The following LMBRD2 variants were observed in gnomAD, a reference collection of about 807,000 sequenced individuals.
LMBRD2 encodes the protein G protein-coupled receptor-associated protein LMBRD2.
In LMBRD2, 55 loss-of-function variants were observed where a neutral mutation model predicts 94.4. That is an observed-to-expected ratio of 0.58 (90% CI 0.47 to 0.73). LMBRD2 has a LOEUF of 0.73. Among genes scored for constraint, LMBRD2 ranks in the 30% least tolerant of loss-of-function variants. The pLI is 0.00. For synonymous variants in LMBRD2, 246 were observed against 272.4 expected (o/e 0.90, Z 0.95); for missense variants, 640 against 831.9 (o/e 0.77, Z 2.84).
intron 3 of LMBRD2, among the ~76,000 whole-genome samples, chr5:36,142,179 T>A (rs1744424800): frequency 6.6e-6 from 1 of 152,184 alleles, no homozygotes; most frequent in South Asian, 2.1e-4. Flanking sequence ...CCCACGTTTT[T>A]AAATCTGAGA....
chr5:36,124,150 G>A (rs1743950451), intron 7 of LMBRD2, 41 bp downstream of exon 7: 3 of 1,121,510 alleles, frequency 2.7e-6, no homozygotes, highest in Non-Finnish European at 4.0e-6. Flanking sequence ...TATTATATAA[G>A]TGTATATTTC....
At chr5:36,111,076 C>A in intron 14 of LMBRD2, 79 bp downstream of exon 14, 2 of 847,542 alleles carry the variant, frequency 2.4e-6, no homozygotes, top group South Asian at 1.8e-5. Flanking sequence ...TATTCACAAA[C>A]TACACAAATA....
chr5:36,122,339 G>A lies in LMBRD2; in HGVS notation c.1061C>T (p.Thr354Ile). ...ATTTTCTGGCTCTGGCGATTGAAAGGTGTGAACAAACTGATGAGTAGCACT... is the reference window on the plus strand; with the variant it reads ...ATTTTCTGGCTCTGGCGATTGAAAGATGTGAACAAACTGATGAGTAGCACT... The part of the protein sequence containing the change: ...ETSATHQFVH[T>I]FQSPEPENRF... The change falls in exon 9 of 18, where the codon ACC (threonine) becomes ATC (isoleucine). Residue 354 changes from threonine (T) to isoleucine (I), a missense_variant. By Grantham distance (89) the Thr-to-Ile change is moderately conservative. This residue lies in a region of LMBRD2 where 457 missense variants were observed against 642.8 expected (regional missense o/e 0.71). Coordinates refer to ENST00000296603, the MANE Select transcript of LMBRD2 (RefSeq NM_001007527.2). 6.2e-7 allele frequency: 1 copy of A among 1,612,060 alleles called. No individual in the cohort carries two copies.
In LMBRD2 at chr5:36,116,504, G is replaced by T; in HGVS notation, c.1392C>A (p.Ala464=). ...RIRVFNYYYL[A]SHHQTDAYSL... ...TATAAGCATCAGTCTGGTGATGTGAGGCCAAATAATAATAGTTAAATACAC... is the reference window on the plus strand; with the variant it reads ...TATAAGCATCAGTCTGGTGATGTGATGCCAAATAATAATAGTTAAATACAC... Residue 464 remains alanine (A), a synonymous_variant, in exon 11 of 18, where the codon GCC becomes GCA. Coordinates refer to ENST00000296603, the MANE Select transcript of LMBRD2 (RefSeq NM_001007527.2). The T allele has an allele frequency of 6.2e-7, 1 of 1,612,882 alleles. No individual in the cohort carries two copies. The highest frequency in any genetic ancestry group is 8.5e-7 in the Non-Finnish European group (1 of 1,179,138).
At position 36,100,660 on chromosome 5, in the gene LMBRD2, T is replaced by A. The variant is rs1743328942; in HGVS notation, c.*3386A>T. On this transcript the variant is annotated 3_prime_UTR_variant, in exon 18 of 18. Coordinates refer to ENST00000296603, the MANE Select transcript of LMBRD2 (RefSeq NM_001007527.2). ...TTTGATGATTCAAGTACGCTAAGAT[T>A]TTTCAGGGACATATTTTGTCGCTTA... The A allele has an allele frequency of 6.6e-6, 1 of 152,052 alleles. No homozygotes were observed. The highest frequency in any genetic ancestry group is 1.5e-5 in the Non-Finnish European group (1 of 67,974). 9.4% of individuals were successfully genotyped at this position (152,052 alleles called of 1,614,324 possible).
At chr5:36,113,134 A>G (rs1402296050) in intron 13 of LMBRD2, among the ~76,000 whole-genome samples, 1 of 152,170 alleles carries the variant, frequency 6.6e-6, no homozygotes, top group African/African-American at 2.4e-5. Flanking sequence ...ATAACCCAGC[A>G]CCGCGCCCTG....
At chr5:36,130,268 C>T (rs765202027) in intron 6 of LMBRD2, among the ~76,000 whole-genome samples, 16 of 151,830 alleles carry the variant, frequency 1.1e-4, no homozygotes, top group Non-Finnish European at 2.1e-4. Flanking sequence ...ATAGAAATAA[C>T]AAAAAGTTAA....
At chr5:36,110,196 T>C (rs889942167) in intron 14 of LMBRD2, among the ~76,000 whole-genome samples, 2 of 152,034 alleles carry the variant, frequency 1.3e-5, no homozygotes, top group African/African-American at 4.8e-5. Flanking sequence ...GATGGCCCTG[T>C]AGTCTCCGCT....
intron 3 of LMBRD2, among the ~76,000 whole-genome samples, chr5:36,141,940 T>G (rs1744420041): frequency 6.6e-6 from 1 of 152,204 alleles, no homozygotes; most frequent in Admixed American, 6.5e-5. Context: ...TAAAGAAGCA[T>G]GCAAATACTA....
At chr5:36,119,118 T>C (rs1420184377) in intron 9 of LMBRD2, among the ~76,000 whole-genome samples, 1 of 152,228 alleles carries the variant, frequency 6.6e-6, no homozygotes, top group Non-Finnish European at 1.5e-5. Context: ...TGTAATTCTT[T>C]ACAACTTTCC....
intron 13 of LMBRD2, among the ~76,000 whole-genome samples, chr5:36,113,614 C>T (rs1381080254): frequency 6.6e-6 from 1 of 152,050 alleles, no homozygotes; most frequent in Admixed American, 6.6e-5. Flanking sequence ...TAGATATTAT[C>T]TGTAACAACT....
chr5:36,138,054 G>A (rs767367049), intron 4 of LMBRD2, among the ~76,000 whole-genome samples: 3 of 152,208 alleles, frequency 2.0e-5, no homozygotes, highest in African/African-American at 4.8e-5. Flanking sequence ...AAGAGAGGTA[G>A]AGAACAGAAG....
chr5:36,128,699 T>A (rs1023123676), intron 6 of LMBRD2, among the ~76,000 whole-genome samples: 1 of 151,916 alleles, frequency 6.6e-6, no homozygotes, highest in African/African-American at 2.4e-5. Flanking sequence ...CACTCCAGCC[T>A]GGGTAACACA....
intron 5 of LMBRD2, 45 bp downstream of exon 5, chr5:36,137,229 T>C (rs1194134606): frequency 7.7e-7 from 1 of 1,294,814 alleles, no homozygotes; most frequent in Non-Finnish European, 1.1e-6. Context: ...TTTTTAAAAA[T>C]GCAAACATAC....
chr5:36,129,613 G>A (rs944216385), intron 6 of LMBRD2, among the ~76,000 whole-genome samples: 8 of 152,232 alleles, frequency 5.3e-5, no homozygotes, highest in Non-Finnish European at 1.2e-4. Flanking sequence ...AATGCTAAAG[G>A]GAGTTCTTCG....
In LMBRD2 at chr5:36,121,850, T is replaced by C. The variant is rs146609389; in HGVS notation, c.1120+430A>G. ...CTATTCAGTACAGTAACATGCTGTATAGGTTTGTAGCCTAGGAGTAATAAG... is the reference window on the plus strand; with the variant it reads ...CTATTCAGTACAGTAACATGCTGTACAGGTTTGTAGCCTAGGAGTAATAAG... On this transcript the variant is annotated intron_variant, in intron 9 of 17. Transcript: ENST00000296603. Among the ~76,000 whole-genome samples the C allele has an allele frequency of 1.3e-3, 195 of 152,318 alleles. 3 individuals carry two copies. The East Asian group carries it at 0.033, about 26-fold the overall frequency.
At chr5:36,120,637 C>T (rs1446693353) in intron 9 of LMBRD2, among the ~76,000 whole-genome samples, 1 of 152,120 alleles carries the variant, frequency 6.6e-6, no homozygotes, top group African/African-American at 2.4e-5. Context: ...TCAGCTACTA[C>T]CCCTTTTCTC....
intron 6 of LMBRD2, among the ~76,000 whole-genome samples, chr5:36,131,286 C>G (rs1744146524): frequency 6.6e-6 from 1 of 152,004 alleles, no homozygotes; most frequent in South Asian, 2.1e-4. Context: ...ATTCGGCATC[C>G]CTTTATGATA....
At chr5:36,137,812 G>A (rs932196693) in intron 4 of LMBRD2, among the ~76,000 whole-genome samples, 1 of 152,146 alleles carries the variant, frequency 6.6e-6, no homozygotes, top group East Asian at 1.9e-4. Context: ...AAGGGAGAAG[G>A]TCAGTTGACA....
Sources: allele counts gnomAD v4.1 joint callset (sites outside exome capture counted in the v4.1 genomes callset), GRCh38; gene constraint gnomAD v4.1.1; regional missense constraint gnomAD v4.1.1; transcripts MANE v1.5; gene names NCBI Gene and HGNC (gene_info 2026-07-23, HGNC 2026-07-21).